RBM25: variants seen among roughly 807,000 people sequenced by gnomAD.
RBM25 encodes RNA binding motif protein 25.
Under a neutral mutation model 120.7 loss-of-function variants are expected in RBM25, and 19 were observed. The ratio of observed to expected loss-of-function variants is 0.16; its 90% CI spans 0.11 to 0.23. The LOEUF (loss-of-function observed/expected upper bound fraction) is 0.23. RBM25 is among the 10% of genes least tolerant of loss of function. The pLI is 1.00. For synonymous variants in RBM25, 390 were observed against 326.7 expected (o/e 1.19, Z -2.09); for missense variants, 605 against 1,041.5 (o/e 0.58, Z 5.77).
chr14:73,076,396 G>A, intron 3 of RBM25, 28 bp downstream of exon 3: 1 of 1,582,098 alleles, frequency 6.3e-7, no homozygotes, highest in Non-Finnish European at 8.7e-7. Flanking sequence ...GAGGAATCAT[G>A]AGTTATGGTA....
chr14:73,082,453 GC>G (rs1266330605), intron 4 of RBM25, among the ~76,000 whole-genome samples: 1 of 151,860 alleles, frequency 6.6e-6, no homozygotes, highest in African/African-American at 2.4e-5. Context: ...CACCACGCCC[GC>G]CTAATTTTTT....
intron 17 of RBM25, among the ~76,000 whole-genome samples, chr14:73,112,554 C>G (rs1896332540): frequency 6.6e-6 from 1 of 151,756 alleles, no homozygotes; most frequent in Non-Finnish European, 1.5e-5. Flanking sequence ...CAATTGTGTG[C>G]TGTCTTTCTG....
chr14:73,111,235 T>C, intron 15 of RBM25, 80 bp downstream of exon 15: 1 of 1,204,440 alleles, frequency 8.3e-7, no homozygotes, highest in Non-Finnish European at 1.2e-6. Flanking sequence ...AAGAAAAAAA[T>C]TTATATTTGT....
At chr14:73,104,575 C>T (rs544809793) in intron 10 of RBM25, among the ~76,000 whole-genome samples, 1 of 151,888 alleles carries the variant, frequency 6.6e-6, no homozygotes, top group Non-Finnish European at 1.5e-5. Context: ...GCTATGTTGC[C>T]CAGCTGGTCT....
Position 73,096,975 on chromosome 14 carries a change from A to G in RBM25, c.604A>G (p.Arg202Gly). Residue 202 changes from arginine (R) to glycine (G), a missense_variant, in exon 7 of 19, where the codon AGG becomes GGG. Physicochemically the swap from Arg to Gly is moderately radical, Grantham distance 125. Around this residue, in one of 4 missense-constraint regions of RBM25, gnomAD observed 465 missense variants for 741.6 expected, o/e 0.63. Coordinates refer to ENST00000261973, the MANE Select transcript of RBM25 (RefSeq NM_021239.3). ...AGAAGCCTTGGATGAAGAAACAAAGAGGAGAGATCAGATGATTAAAGGGGC... is the reference window on the plus strand; with the variant it reads ...AGAAGCCTTGGATGAAGAAACAAAGGGGAGAGATCAGATGATTAAAGGGGC... ...DEEALDEETK[R>G]RDQMIKGAIE... 1.2e-6 allele frequency: 2 copies of G among 1,613,996 alleles called. No individual in the cohort carries two copies. Among genetic ancestry groups the G allele is most frequent in the Non-Finnish European group, 1.7e-6 (2 of 1,179,992 alleles).
intron 18 of RBM25, among the ~76,000 whole-genome samples, chr14:73,119,189 TAAG>T (rs1480810809): frequency 1.3e-5 from 2 of 152,246 alleles, no homozygotes; most frequent in African/African-American, 2.4e-5. Context: ...CGTAGTAATT[TAAG>T]AAGAACTAAA....
At chr14:73,091,348 G>A (rs1368435122) in intron 6 of RBM25, among the ~76,000 whole-genome samples, 4 of 151,990 alleles carry the variant, frequency 2.6e-5, no homozygotes, top group African/African-American at 9.7e-5. Flanking sequence ...TGCCTCAGCT[G>A]GGACTACAGG....
intron 4 of RBM25, among the ~76,000 whole-genome samples, chr14:73,082,758 C>T (rs1444351994): frequency 6.6e-6 from 1 of 152,028 alleles, no homozygotes; most frequent in African/African-American, 2.4e-5. Context: ...CCGTATCAAG[C>T]GTTTTCCCAT....
At chr14:73,116,469 A>T (rs777046535) in intron 18 of RBM25, among the ~76,000 whole-genome samples, 3 of 152,224 alleles carry the variant, frequency 2.0e-5, no homozygotes, top group Non-Finnish European at 4.4e-5. Flanking sequence ...AAGCCAGATA[A>T]CATTCCTTTT....
chr14:73,092,698 T>A (rs1211437229), intron 6 of RBM25, among the ~76,000 whole-genome samples: 5 of 151,980 alleles, frequency 3.3e-5, no homozygotes, highest in Admixed American at 3.3e-4. Context: ...ACATTAGGTA[T>A]ATCTCCTAAT....
At chr14:73,071,092 AT>A (rs1291105934) in intron 1 of RBM25, among the ~76,000 whole-genome samples, 3 of 151,712 alleles carry the variant, frequency 2.0e-5, no homozygotes, top group Non-Finnish European at 4.4e-5. Flanking sequence ...AAATACAAAA[AT>A]TAGCTGGGCG....
chr14:73,102,598 T>A (rs1328326463), intron 9 of RBM25: 1 of 152,304 alleles, frequency 6.6e-6, no homozygotes, highest in African/African-American at 2.4e-5. Context: ...TTGTATTTGG[T>A]GGGCTGTCCA....
intron 5 of RBM25, among the ~76,000 whole-genome samples, chr14:73,087,159 G>A (rs1379777117): frequency 6.6e-6 from 1 of 152,012 alleles, no homozygotes; most frequent in Non-Finnish European, 1.5e-5. Flanking sequence ...TTTGTTGGTT[G>A]CTCTTCTTAG....
At chr14:73,103,624 G>T in intron 10 of RBM25, 146 bp downstream of exon 10, 1 of 1,254,652 alleles carries the variant, frequency 8.0e-7, no homozygotes, top group Non-Finnish European at 1.0e-6. Flanking sequence ...GGACTGCAGT[G>T]GCTGAGCAAT....
intron 7 of RBM25, among the ~76,000 whole-genome samples, chr14:73,098,911 A>G (rs1896005509): frequency 6.6e-6 from 1 of 152,188 alleles, no homozygotes; most frequent in Admixed American, 6.5e-5. Context: ...CCGACCCATA[A>G]CTTTTCTAAG....
intron 1 of RBM25, among the ~76,000 whole-genome samples, chr14:73,066,244 T>C (rs183640715): frequency 2.2e-3 from 342 of 152,280 alleles, no homozygotes; most frequent in Non-Finnish European, 2.0e-3. Flanking sequence ...CTCAACACAT[T>C]TACAGTCTTG....
chr14:73,070,116 C>T (rs1455653816), intron 1 of RBM25, among the ~76,000 whole-genome samples: 1 of 151,694 alleles, frequency 6.6e-6, no homozygotes. Flanking sequence ...GAGTCTTCCC[C>T]TGTCACCCAC....
At position 73,062,077 on chromosome 14, in the gene RBM25, G is replaced by C. The variant is rs531029962; in HGVS notation, c.-16+3372G>C. On this transcript the variant is annotated intron_variant, in intron 1 of 18. Coordinates refer to ENST00000261973, the MANE Select transcript of RBM25 (RefSeq NM_021239.3). Reference sequence around the variant, plus strand: ...CTGATCAGTAGCGTGCTGCAGCCCAGAACTCCAGGGCTCAAGTGATCCTCC... The same window carrying C: ...CTGATCAGTAGCGTGCTGCAGCCCACAACTCCAGGGCTCAAGTGATCCTCC... Among the ~76,000 whole-genome samples the C allele has an allele frequency of 1.4e-3, 210 of 151,384 alleles. 1 individual carries two copies. The highest frequency in any genetic ancestry group is 4.9e-3 in the African/African-American group (202 of 41,426).
At chr14:73,089,017 C>A (rs925123588) in intron 6 of RBM25, among the ~76,000 whole-genome samples, 1 of 152,036 alleles carries the variant, frequency 6.6e-6, no homozygotes, top group Admixed American at 6.6e-5. Flanking sequence ...TGGTGGGTGC[C>A]TGTAATCCCA....
Sources: gnomAD v4.1 joint callset for allele counts (sites outside exome capture counted in the v4.1 genomes callset) on GRCh38, gnomAD v4.1.1 for gene constraint, gnomAD v4.1.1 regional missense constraint, MANE v1.5 for transcripts, NCBI Gene and HGNC (gene_info 2026-07-23, HGNC 2026-07-21) for gene names.